Variants in STYK1 observed in about 807,000 individuals in gnomAD.
The protein encoded by STYK1 is STY kinase 1.
STYK1 carries 46 observed loss-of-function variants against 48.1 expected under a neutral mutation model. The observed-to-expected ratio is 0.96, with a 90% CI of 0.75 to 1.22. The LOEUF (loss-of-function observed/expected upper bound fraction) is 1.22. STYK1 is among the 50% of genes most tolerant of loss of function. The probability of loss-of-function intolerance (pLI) is 0.00; values close to 1 mark genes in which losing one functional copy is unlikely to be tolerated. For missense variants in STYK1, 527 were observed against 521.1 expected (o/e 1.01, Z -0.11); for synonymous variants, 188 against 189.0 (o/e 0.99, Z 0.04).
chr12:10,645,738 C>A (rs2120713997), intron 1 of STYK1, among the ~76,000 whole-genome samples: 1 of 152,254 alleles, frequency 6.6e-6, no homozygotes, highest in South Asian at 2.1e-4. Context: ...TGTTCATTTC[C>A]CACTTGATAT....
chr12:10,664,358 C>T (rs536063501), intron 1 of STYK1, among the ~76,000 whole-genome samples: 18 of 152,256 alleles, frequency 1.2e-4, no homozygotes, highest in African/African-American at 4.3e-4. Flanking sequence ...CCTACAGAGA[C>T]CACTGCTCCC....
At chr12:10,624,401 G>T (rs979901107) in intron 8 of STYK1, among the ~76,000 whole-genome samples, 1 of 152,012 alleles carries the variant, frequency 6.6e-6, no homozygotes, top group African/African-American at 2.4e-5. Flanking sequence ...TTCAGCCTGG[G>T]CAACACAGTG....
chr12:10,624,046 C>G (rs1947328198), intron 8 of STYK1, among the ~76,000 whole-genome samples: 2 of 151,472 alleles, frequency 1.3e-5, no homozygotes, highest in African/African-American at 4.8e-5. Flanking sequence ...ACAGACTTTA[C>G]TAGATTAAGT....
At chr12:10,647,217 C>T (rs1947610436) in intron 1 of STYK1, among the ~76,000 whole-genome samples, 2 of 152,198 alleles carry the variant, frequency 1.3e-5, no homozygotes, top group Admixed American at 1.3e-4. Flanking sequence ...ACACTCAACA[C>T]CAGCCCATGA....
At position 10,621,295 on chromosome 12, in the gene STYK1, C is replaced by T. The variant is rs528838188; in HGVS notation, c.1064+581G>A. ...CTCTAGGTTGGTTCACTAACTGTCCCAATCTGCTGACAATATTGGATCCTC... is the reference window on the plus strand; with the variant it reads ...CTCTAGGTTGGTTCACTAACTGTCCTAATCTGCTGACAATATTGGATCCTC... On this transcript the variant is annotated intron_variant, in intron 10 of 10. Transcript: ENST00000075503. 3.9e-5 allele frequency among the ~76,000 whole-genome samples: 6 copies of T among 152,258 alleles called. No homozygotes were observed. In the South Asian group the frequency reaches 1.2e-3, roughly 32 times the overall value.
chr12:10,641,743 C>T (rs1291259458), intron 1 of STYK1, among the ~76,000 whole-genome samples: 2 of 152,162 alleles, frequency 1.3e-5, no homozygotes, highest in Non-Finnish European at 2.9e-5. Flanking sequence ...ATAACAAACT[C>T]CTGGCGAGAG....
intron 1 of STYK1, among the ~76,000 whole-genome samples, chr12:10,670,451 G>A (rs1470794491): frequency 6.6e-6 from 1 of 152,140 alleles, no homozygotes; most frequent in Non-Finnish European, 1.5e-5. Context: ...GAGATATTAT[G>A]TTAAGTGAAA....
rs999410482 is a variant in STYK1 at position 10,619,200 on chromosome 12, TAATAA to T, written c.*939_*943del. 6.6e-6 allele frequency: 1 copy of T among 152,226 alleles called. No homozygotes were observed. The highest frequency in any genetic ancestry group is 2.4e-5 in the African/African-American group (1 of 41,458). 9.4% of individuals were successfully genotyped at this position (152,226 alleles called of 1,614,324 possible). On this transcript the variant is annotated 3_prime_UTR_variant, in exon 11 of 11. Coordinates refer to ENST00000075503, the MANE Select transcript of STYK1 (RefSeq NM_018423.3). ...TATTTCCATTTAATAAATATTAATT[TAATAA>T]AATAAGTTTCACAGTATATCAACAG...
At chr12:10,636,764 C>A (rs1947490126) in intron 2 of STYK1, among the ~76,000 whole-genome samples, 1 of 152,148 alleles carries the variant, frequency 6.6e-6, no homozygotes, top group South Asian at 2.1e-4. Flanking sequence ...ACCAGTTTGG[C>A]TTTCTGAGGA....
chr12:10,641,388 TG>T (rs1947543117), intron 1 of STYK1, among the ~76,000 whole-genome samples: 2 of 152,186 alleles, frequency 1.3e-5, no homozygotes, highest in South Asian at 4.1e-4. Context: ...AGAAAGATTT[TG>T]GGTTCTCTAA....
intron 1 of STYK1, among the ~76,000 whole-genome samples, chr12:10,662,756 T>G (rs1947791036): frequency 6.6e-6 from 1 of 152,200 alleles, no homozygotes; most frequent in Non-Finnish European, 1.5e-5. Context: ...GTCCAGAAAC[T>G]AAACCCTTAT....
At chr12:10,635,639 A>G (rs1220042635) in intron 2 of STYK1, among the ~76,000 whole-genome samples, 1 of 152,022 alleles carries the variant, frequency 6.6e-6, no homozygotes, top group Non-Finnish European at 1.5e-5. Flanking sequence ...GCATAAAAAT[A>G]TTTCTCCCCC....
At chr12:10,635,887 C>A (rs992903683) in intron 2 of STYK1, among the ~76,000 whole-genome samples, 1 of 152,170 alleles carries the variant, frequency 6.6e-6, no homozygotes, top group African/African-American at 2.4e-5. Context: ...TTTGCCTTTG[C>A]TTGACAAGAC....
intron 1 of STYK1, among the ~76,000 whole-genome samples, chr12:10,671,216 G>T (rs1028769074): frequency 6.6e-6 from 1 of 151,826 alleles, no homozygotes; most frequent in African/African-American, 2.4e-5. Flanking sequence ...GGATGGTCTC[G>T]ATCTCCTGAC....
intron 5 of STYK1, among the ~76,000 whole-genome samples, chr12:10,630,259 G>A (rs998747311): frequency 2.6e-5 from 4 of 151,488 alleles, no homozygotes; most frequent in Non-Finnish European, 4.4e-5. Flanking sequence ...AGTGGCACAC[G>A]GCTGTAATCC....
At chr12:10,636,526 G>A (rs1160138709) in intron 2 of STYK1, among the ~76,000 whole-genome samples, 1 of 152,180 alleles carries the variant, frequency 6.6e-6, no homozygotes, top group Admixed American at 6.5e-5. Context: ...AATTCATGAG[G>A]CCACATGGAA....
At chr12:10,626,820 C>T (rs868344357) in intron 7 of STYK1, among the ~76,000 whole-genome samples, 16 of 152,062 alleles carry the variant, frequency 1.1e-4, no homozygotes, top group Non-Finnish European at 2.1e-4. Context: ...TCCTGGCTAA[C>T]ACAGTGAAAC....
At chr12:10,634,932 T>TCATTCAACTGTTA (rs1947469789) in intron 2 of STYK1, among the ~76,000 whole-genome samples, 1 of 152,174 alleles carries the variant, frequency 6.6e-6, no homozygotes, top group African/African-American at 2.4e-5. Context: ...TCTTGTCCTT[T>TCATTCAACTGTTA]CATTCAACTG....
chr12:10,663,495 A>C (rs965023212), intron 1 of STYK1, among the ~76,000 whole-genome samples: 12 of 148,266 alleles, frequency 8.1e-5, no homozygotes, highest in African/African-American at 3.0e-4. Context: ...GCTACTCGGG[A>C]GGCTGAGGAA....
Sources: gnomAD v4.1 joint callset for allele counts (sites outside exome capture counted in the v4.1 genomes callset) on GRCh38, gnomAD v4.1.1 for gene constraint, MANE v1.5 for transcripts, NCBI Gene and HGNC (gene_info 2026-07-23, HGNC 2026-07-21) for gene names.